SLC44A5: variants seen among roughly 807,000 people sequenced by gnomAD.
SLC44A5 encodes choline transporter-like protein 5.
Under a neutral mutation model 101.8 loss-of-function variants are expected in SLC44A5, and 57 were observed. The ratio of observed to expected loss-of-function variants is 0.56; its 90% CI spans 0.45 to 0.70. The LOEUF is 0.70. SLC44A5 is among the 30% of genes least tolerant of loss of function. The probability of loss-of-function intolerance (pLI) is 0.00; values close to 1 mark genes in which losing one functional copy is unlikely to be tolerated. For synonymous variants in SLC44A5, 281 were observed against 290.9 expected (o/e 0.97, Z 0.35); for missense variants, 737 against 853.1 (o/e 0.86, Z 1.70).
chr1:75,653,450 C>A, the SLC44A5 span, among the ~76,000 whole-genome samples: 3 of 152,128 alleles, frequency 2.0e-5, no homozygotes, highest in Non-Finnish European at 4.4e-5. Context: ...CCACTGCACT[C>A]AAGCCTGGGC....
chr1:75,605,390 A>G (rs893354613), intron 1 of SLC44A5, among the ~76,000 whole-genome samples: 1 of 152,006 alleles, frequency 6.6e-6, no homozygotes, highest in South Asian at 2.1e-4. Context: ...ATAAATAAAT[A>G]AACAATGCAG....
chr1:75,699,681 C>G, the SLC44A5 span, among the ~76,000 whole-genome samples: 1 of 151,020 alleles, frequency 6.6e-6, no homozygotes, highest in Non-Finnish European at 1.5e-5. Flanking sequence ...TGTAAATGAG[C>G]TAAATGCTCC....
the SLC44A5 span, among the ~76,000 whole-genome samples, chr1:75,659,535 C>G: frequency 8.1e-6 from 1 of 123,952 alleles, no homozygotes; most frequent in African/African-American, 3.1e-5. Context: ...GCAGGGAAAA[C>G]TAGGCCAGGC....
chr1:75,703,591 A>G, the SLC44A5 span, among the ~76,000 whole-genome samples: 1 of 152,046 alleles, frequency 6.6e-6, no homozygotes, highest in Non-Finnish European at 1.5e-5. Flanking sequence ...CAGCACACCA[A>G]CATGTCACAT....
chr1:75,616,924 A>T, the SLC44A5 span, among the ~76,000 whole-genome samples: 1 of 152,166 alleles, frequency 6.6e-6, no homozygotes, highest in African/African-American at 2.4e-5. Flanking sequence ...ACTTGGTTAC[A>T]GTGGCCACGT....
chr1:75,557,763 T>C (rs1672301352), intron 1 of SLC44A5, among the ~76,000 whole-genome samples: 1 of 152,102 alleles, frequency 6.6e-6, no homozygotes, highest in Admixed American at 6.6e-5. Context: ...CAATTAGAAT[T>C]TATGTAATTT....
At chr1:75,315,917 C>T (rs969968248) in intron 4 of SLC44A5, among the ~76,000 whole-genome samples, 2 of 152,144 alleles carry the variant, frequency 1.3e-5, no homozygotes, top group Admixed American at 1.3e-4. Flanking sequence ...TGCTGATTCT[C>T]CATCCTACAA....
chr1:75,287,678 G>A (rs1182372090), intron 5 of SLC44A5, among the ~76,000 whole-genome samples: 18 of 151,954 alleles, frequency 1.2e-4, no homozygotes, highest in Admixed American at 1.2e-3. Flanking sequence ...CCAAGGGATG[G>A]GGCATCCTGA....
At chr1:75,510,634 A>G (rs953627169) in intron 2 of SLC44A5, among the ~76,000 whole-genome samples, 1 of 152,224 alleles carries the variant, frequency 6.6e-6, no homozygotes, top group African/African-American at 2.4e-5. Context: ...AGACTATGCT[A>G]AACAAATTCA....
At chr1:75,519,126 C>A (rs918621553) in intron 2 of SLC44A5, among the ~76,000 whole-genome samples, 1 of 152,010 alleles carries the variant, frequency 6.6e-6, no homozygotes, top group Non-Finnish European at 1.5e-5. Flanking sequence ...CTCTGAATAT[C>A]TCTCTAAAAA....
the SLC44A5 span, among the ~76,000 whole-genome samples, chr1:75,659,489 G>GAAGGAAGGAAGGAAGGAAGAAAGA: frequency 1.6e-4 from 10 of 61,478 alleles, no homozygotes; most frequent in Admixed American, 4.5e-4. Flanking sequence ...AGGAAGGAAG[G>GAAGGAAGGAAGGAAGGAAGAAAGA]AAGGCAGGCA....
At chr1:75,269,968 C>A (rs1017022455) in intron 6 of SLC44A5, among the ~76,000 whole-genome samples, 1 of 152,110 alleles carries the variant, frequency 6.6e-6, no homozygotes, top group Non-Finnish European at 1.5e-5. Context: ...CTCACAAGAG[C>A]TGATGGTTTC....
intron 2 of SLC44A5, among the ~76,000 whole-genome samples, chr1:75,413,213 T>C (rs1663396928): frequency 6.6e-6 from 1 of 152,144 alleles, no homozygotes; most frequent in Admixed American, 6.6e-5. Context: ...AAATAGAGTA[T>C]ATATAGGTTT....
chr1:75,582,586 G>A, intron 1 of SLC44A5: 1 of 380,962 alleles, frequency 2.6e-6, no homozygotes, highest in Non-Finnish European at 4.7e-6. Flanking sequence ...CCAATATGAG[G>A]ACAGAAGGAC....
chr1:75,627,790 AT>A, the SLC44A5 span, among the ~76,000 whole-genome samples: 1 of 151,174 alleles, frequency 6.6e-6, no homozygotes, highest in Non-Finnish European at 1.5e-5. Context: ...TTTTTTCTTC[AT>A]TTGACAGATT....
chr1:75,303,509 C>T (rs941425743), intron 4 of SLC44A5, among the ~76,000 whole-genome samples: 5 of 152,204 alleles, frequency 3.3e-5, no homozygotes, highest in African/African-American at 9.7e-5. Flanking sequence ...GCTGGGATTA[C>T]GGGCGTGAGC....
chr1:75,445,752 G>T (rs1665536471), intron 2 of SLC44A5, among the ~76,000 whole-genome samples: 1 of 151,946 alleles, frequency 6.6e-6, no homozygotes, highest in Admixed American at 6.6e-5. Flanking sequence ...TCTGCCAGGA[G>T]CTCCAGACCT....
intron 2 of SLC44A5, among the ~76,000 whole-genome samples, chr1:75,449,833 T>A (rs1665798129): frequency 6.6e-6 from 1 of 151,972 alleles, no homozygotes; most frequent in African/African-American, 2.4e-5. Flanking sequence ...AAACTTCGTC[T>A]CTACTAAAAA....
chr1:75,627,122 G>T, the SLC44A5 span, among the ~76,000 whole-genome samples: 15 of 152,044 alleles, frequency 9.9e-5, no homozygotes, highest in African/African-American at 3.1e-4. Flanking sequence ...GAGAAGTAAT[G>T]GTTCCCTTTG....
Sources: allele counts gnomAD v4.1 joint callset (sites outside exome capture counted in the v4.1 genomes callset), GRCh38; gene constraint gnomAD v4.1.1; transcripts MANE v1.5; gene names NCBI Gene and HGNC (gene_info 2026-07-23, HGNC 2026-07-21).